The following CDH13 variants were observed in gnomAD, a reference collection of about 807,000 sequenced individuals.
CDH13 encodes cadherin 13.
CDH13 carries 24 observed loss-of-function variants against 63.8 expected under a neutral mutation model. The ratio of observed to expected loss-of-function variants is 0.38; its 90% CI spans 0.27 to 0.53. The LOEUF (loss-of-function observed/expected upper bound fraction) is 0.53. Among genes scored for constraint, CDH13 ranks in the 20% least tolerant of loss-of-function variants. The pLI, the probability that CDH13 is intolerant of heterozygous loss-of-function variation, is 0.85. For synonymous variants in CDH13, 503 were observed against 355.3 expected, an observed-to-expected ratio of 1.42 and a Z score of -4.67; for missense variants, 1,049 against 903.1, an observed-to-expected ratio of 1.16 and a Z score of -2.07.
chr16:83,776,534 G>A (rs930324857), intron 11 of CDH13, among the ~76,000 whole-genome samples: 2 of 152,110 alleles, frequency 1.3e-5, no homozygotes, highest in African/African-American at 4.8e-5. Flanking sequence ...TGTTTACTCT[G>A]TAGCTGTCTT....
At chr16:83,745,020 C>G (rs1227416993) in intron 10 of CDH13, among the ~76,000 whole-genome samples, 1 of 152,166 alleles carries the variant, frequency 6.6e-6, no homozygotes. Flanking sequence ...TCACATATCT[C>G]TAGGCCTCTC....
chr16:83,050,203 A>C (rs531719369), intron 3 of CDH13, among the ~76,000 whole-genome samples: 1 of 152,270 alleles, frequency 6.6e-6, no homozygotes, highest in African/African-American at 2.4e-5. Context: ...TACTGTCGCC[A>C]TAACTCTAGT....
intron 10 of CDH13, among the ~76,000 whole-genome samples, chr16:83,695,389 G>C (rs183407425): frequency 1.4e-4 from 22 of 152,260 alleles, no homozygotes; most frequent in African/African-American, 5.3e-4. Context: ...AAATAGGATC[G>C]CAAATGCTGT....
chr16:83,549,494 T>C (rs2075450881), intron 7 of CDH13, among the ~76,000 whole-genome samples: 1 of 152,136 alleles, frequency 6.6e-6, no homozygotes, highest in Non-Finnish European at 1.5e-5. Flanking sequence ...CAGGCTGCCA[T>C]ATGCTTCACC....
rs147489005 is a variant in CDH13, at chr16:83,533,279, G to A, written c.960+46624G>A. ...GTGTGTATTGCACTTAAATGTGCTC[G>A]GAAAATCTCAACTCAGCGTGACTCG... is the stretch of plus-strand genomic sequence containing the variant. On this transcript the variant is annotated intron_variant, in intron 7 of 13. Coordinates refer to ENST00000567109, the MANE Select transcript of CDH13 (RefSeq NM_001257.5). Among the ~76,000 whole-genome samples, 432 of 152,272 alleles carry A rather than the reference G, an allele frequency of 2.8e-3. 1 individual carries two copies. Among genetic ancestry groups the A allele is most frequent in the African/African-American group, 9.9e-3 (411 of 41,558 alleles).
chr16:83,564,231 G>C (rs548085882), intron 7 of CDH13, among the ~76,000 whole-genome samples: 3 of 152,186 alleles, frequency 2.0e-5, no homozygotes, highest in East Asian at 1.9e-4. Flanking sequence ...GACCGAGTCT[G>C]TATTTTCAAG....
chr16:82,663,179 TTTTG>T (rs796138785), intron 1 of CDH13, among the ~76,000 whole-genome samples: 5 of 151,966 alleles, frequency 3.3e-5, no homozygotes, highest in South Asian at 2.1e-4. Flanking sequence ...CCACTAGGTT[TTTTG>T]TTTGTTTGTT....
chr16:82,963,615 C>A (rs2151348590), intron 2 of CDH13, among the ~76,000 whole-genome samples: 1 of 152,258 alleles, frequency 6.6e-6, no homozygotes, highest in East Asian at 1.9e-4. Context: ...TTTACTTAAA[C>A]CTGACTTCCC....
At chr16:82,828,361 T>C (rs951814708) in intron 1 of CDH13, among the ~76,000 whole-genome samples, 2 of 152,168 alleles carry the variant, frequency 1.3e-5, no homozygotes, top group African/African-American at 4.8e-5. Flanking sequence ...CTCACGCCTG[T>C]AATCCCAAGA....
intron 5 of CDH13, among the ~76,000 whole-genome samples, chr16:83,302,551 C>T (rs1449843350): frequency 6.6e-6 from 1 of 152,096 alleles, no homozygotes; most frequent in African/African-American, 2.4e-5. Flanking sequence ...ACTTCTTATC[C>T]CTTAATTCAG....
intron 5 of CDH13, among the ~76,000 whole-genome samples, chr16:83,322,142 G>T (rs1018685012): frequency 1.3e-5 from 2 of 152,196 alleles, no homozygotes; most frequent in Non-Finnish European, 2.9e-5. Flanking sequence ...CGTTGAGGGG[G>T]GTCAGGAGCA....
At chr16:83,386,847 C>T (rs2091684245) in intron 6 of CDH13, among the ~76,000 whole-genome samples, 1 of 152,164 alleles carries the variant, frequency 6.6e-6, no homozygotes, top group African/African-American at 2.4e-5. Flanking sequence ...AAGACAGCTG[C>T]CTCTGCTCTA....
At chr16:83,138,918 G>C (rs1301578864) in intron 4 of CDH13, among the ~76,000 whole-genome samples, 1 of 152,158 alleles carries the variant, frequency 6.6e-6, no homozygotes, top group Non-Finnish European at 1.5e-5. Context: ...CAAGCAAGTG[G>C]ACAGTGATGA....
chr16:82,661,324 C>G (rs911934873), intron 1 of CDH13, among the ~76,000 whole-genome samples: 7 of 152,214 alleles, frequency 4.6e-5, no homozygotes, highest in African/African-American at 1.4e-4. Flanking sequence ...CCTATTTATG[C>G]TTTTCCTAGG....
intron 1 of CDH13, among the ~76,000 whole-genome samples, chr16:82,687,392 GC>G (rs1378834747): frequency 6.6e-6 from 1 of 152,142 alleles, no homozygotes; most frequent in South Asian, 2.1e-4. Flanking sequence ...TTCTCAAGCT[GC>G]TAATAAAGAC....
intron 7 of CDH13, among the ~76,000 whole-genome samples, chr16:83,549,550 T>G (rs764552220): frequency 6.6e-6 from 1 of 151,888 alleles, no homozygotes; most frequent in African/African-American, 2.4e-5. Flanking sequence ...CAGTCTGGCT[T>G]ATGATCATAT....
intron 1 of CDH13, among the ~76,000 whole-genome samples, chr16:82,693,317 C>T (rs572966002): frequency 6.6e-6 from 1 of 152,130 alleles, no homozygotes; most frequent in Admixed American, 6.5e-5. Context: ...GGCAAGATAA[C>T]TAACACATAC....
At chr16:82,830,810 A>G (rs2038504217) in intron 1 of CDH13, among the ~76,000 whole-genome samples, 1 of 152,218 alleles carries the variant, frequency 6.6e-6, no homozygotes, top group African/African-American at 2.4e-5. Context: ...CCGTGAAAAT[A>G]ATCCCACCCT....
At chr16:82,869,505 C>G (rs1364746887) in intron 2 of CDH13, among the ~76,000 whole-genome samples, 2 of 151,916 alleles carry the variant, frequency 1.3e-5, no homozygotes, top group Non-Finnish European at 2.9e-5. Flanking sequence ...TACAGAACCC[C>G]AAAAGACCCA....
Sources: allele counts gnomAD v4.1 joint callset (sites outside exome capture counted in the v4.1 genomes callset), GRCh38; gene constraint gnomAD v4.1.1; transcripts MANE v1.5; gene names NCBI Gene and HGNC (gene_info 2026-07-23, HGNC 2026-07-21).